TSNARE1: variants seen among roughly 807,000 people sequenced by gnomAD.
The protein encoded by TSNARE1 is t-SNARE domain-containing protein 1.
In TSNARE1, 49 loss-of-function variants were observed where a neutral mutation model predicts 62.0. That is an observed-to-expected ratio of 0.79 (90% CI 0.63 to 1.00). The LOEUF (loss-of-function observed/expected upper bound fraction) is 1.00. TSNARE1 is among the 50% of genes least tolerant of loss of function. The pLI is 0.00. For synonymous variants in TSNARE1, 328 were observed against 294.4 expected (o/e 1.11, Z -1.17); for missense variants, 755 against 700.1 (o/e 1.08, Z -0.88).
chr8:142,263,610 T>C lies in TSNARE1; in HGVS notation c.1446+11171A>G, dbSNP rs376476024. On this transcript the variant is annotated intron_variant, in intron 12 of 13. Coordinates refer to ENST00000524325, the MANE Select transcript of TSNARE1 (RefSeq NM_145003.5). Reference sequence around the variant, plus strand: ...CTTGAAAGTGGGGTAGAATACGCTTTAAAAATCATCTGGGTTTAGTGTCTT... The same window carrying C: ...CTTGAAAGTGGGGTAGAATACGCTTCAAAAATCATCTGGGTTTAGTGTCTT... 1.3e-4 allele frequency among the ~76,000 whole-genome samples: 20 copies of C among 152,370 alleles called. No homozygotes were observed. The East Asian group carries it at 1.5e-3, about 12-fold the overall frequency.
chr8:142,252,148 G>A (rs535777828), intron 12 of TSNARE1, among the ~76,000 whole-genome samples: 39 of 152,388 alleles, frequency 2.6e-4, no homozygotes, highest in African/African-American at 9.4e-4. Context: ...TCTGTCTGCA[G>A]GGCACGCACG....
Position 142,270,458 on chromosome 8 carries a change from T to C in TSNARE1, c.1446+4323A>G, listed in dbSNP as rs974088427. On this transcript the variant is annotated intron_variant, in intron 12 of 13. Transcript: ENST00000524325. ...GGTACAAAATGTCATCCCAGCCCCA[T>C]ACAGTACCAAGTAATATATAGGCAT... is the stretch of plus-strand genomic sequence containing the variant. The C allele has an allele frequency of 3.1e-5, 30 of 980,132 alleles. No individual in the cohort carries two copies. In the African/African-American group the frequency reaches 5.3e-4, roughly 17 times the overall value. The allele number at this position is 980,132 out of a possible 1,614,324, so 60.7% of individuals were successfully genotyped here. A position where few individuals can be genotyped will look rare whatever the true frequency, so the allele number is the denominator to read the frequency against.
chr8:142,281,446 C>T (rs1316908324), intron 11 of TSNARE1, among the ~76,000 whole-genome samples: 1 of 152,004 alleles, frequency 6.6e-6, no homozygotes, highest in Non-Finnish European at 1.5e-5. Context: ...TCAGCATCCC[C>T]TCAAAAGCCC....
In TSNARE1 at chr8:142,300,645, C is replaced by CA. The variant is rs1825570539; in HGVS notation, c.1132-2_1132-1insT. ...GCTCGGCAAACGGGGCCTGGGGACTCTGCTGATGACAGACAGATCTTGTTA... is the reference window on the plus strand; with the variant it reads ...GCTCGGCAAACGGGGCCTGGGGACTCATGCTGATGACAGACAGATCTTGTTA... On this transcript the variant is annotated splice_acceptor_variant, in intron 9 of 13. Transcript: ENST00000524325. LOFTEE classifies it high-confidence loss of function. The CA allele has an allele frequency of 6.2e-7, 1 of 1,611,960 alleles. No individual in the cohort carries two copies. Among genetic ancestry groups the CA allele is most frequent in the Non-Finnish European group, 8.5e-7 (1 of 1,179,034 alleles).
chr8:142,333,430 T>C (rs189367432), intron 4 of TSNARE1, among the ~76,000 whole-genome samples: 2 of 152,268 alleles, frequency 1.3e-5, no homozygotes. Context: ...TATTAAAATT[T>C]TTAAATAAAA....
intron 12 of TSNARE1, among the ~76,000 whole-genome samples, chr8:142,251,999 C>T (rs1228621926): frequency 7.0e-6 from 1 of 142,576 alleles, no homozygotes; most frequent in Non-Finnish European, 1.5e-5. Context: ...ACCCGCCACT[C>T]GCGTTCTCTA....
In TSNARE1 at chr8:142,275,669, C is replaced by A. The variant is rs1430974394; in HGVS notation, c.1364-806G>T. ...CAAGCCTTCTTCCCGGAGGGAGGTT[C>A]CTTGCAAGGCCTGCCTCCAATCAGG... On this transcript the variant is annotated intron_variant, in intron 11 of 13. Transcript: ENST00000524325. 3.0e-6 allele frequency: 3 copies of A among 985,360 alleles called. No homozygotes were observed. The African/African-American group carries it at 5.2e-5, about 17-fold the overall frequency. The allele number at this position is 985,360 out of a possible 1,614,324, so 61.0% of individuals were successfully genotyped here.
At chr8:142,363,365 C>T (rs1835303155) in intron 1 of TSNARE1, among the ~76,000 whole-genome samples, 1 of 152,062 alleles carries the variant, frequency 6.6e-6, no homozygotes. Flanking sequence ...GGAGACGTGG[C>T]CTTTTCAGTG....
rs1450218946 is a variant in TSNARE1, at chr8:142,246,493, CA to C, written c.1447-16915del. ...GGCATGCCCCCTCCTCCCCTGGACA[CA>C]ACCCCAGCTTCATTCATTCATTCAT... On this transcript the variant is annotated intron_variant, in intron 12 of 13. Coordinates refer to ENST00000524325, the MANE Select transcript of TSNARE1 (RefSeq NM_145003.5). Among the ~76,000 whole-genome samples the C allele has an allele frequency of 4.6e-5, 7 of 152,258 alleles. No individual in the cohort carries two copies. In the East Asian group the frequency reaches 1.4e-3, roughly 29 times the overall value.
intron 1 of TSNARE1, among the ~76,000 whole-genome samples, chr8:142,393,445 G>T (rs1412112140): frequency 2.6e-5 from 4 of 152,258 alleles, no homozygotes; most frequent in Non-Finnish European, 5.9e-5. Context: ...TCCGCTGGCT[G>T]TGCTACTGTC....
rs1433203617 is a variant in TSNARE1 at position 142,229,584 on chromosome 8, G to A, written c.1447-5C>T. On this transcript the variant is annotated splice_region_variant and splice_polypyrimidine_tract_variant and intron_variant, in intron 12 of 13. Coordinates refer to ENST00000524325, the MANE Select transcript of TSNARE1 (RefSeq NM_145003.5). ...CTTGATCTTGTGTCTCTGGAGCTGG[G>A]AGAGAGAGAGAGGTTGTTTCCATAT... The A allele has an allele frequency of 2.5e-6, 4 of 1,570,454 alleles. No homozygotes were observed. Among genetic ancestry groups the A allele is most frequent in the Non-Finnish European group, 3.5e-6 (4 of 1,147,338 alleles).
chr8:142,294,267 G>A (rs941091385), intron 10 of TSNARE1, among the ~76,000 whole-genome samples: 23 of 152,142 alleles, frequency 1.5e-4, no homozygotes, highest in African/African-American at 5.6e-4. Flanking sequence ...GAGTTTGCAG[G>A]GACGAGGCAG....
intron 6 of TSNARE1, among the ~76,000 whole-genome samples, chr8:142,324,864 C>T (rs909425362): frequency 3.3e-5 from 5 of 152,254 alleles, no homozygotes; most frequent in Admixed American, 1.3e-4. Flanking sequence ...CCCCTCTGTC[C>T]GTGTTCCTAG....
intron 12 of TSNARE1, among the ~76,000 whole-genome samples, chr8:142,265,971 C>G (rs1819118614): frequency 6.6e-6 from 1 of 152,226 alleles, no homozygotes; most frequent in Non-Finnish European, 1.5e-5. Flanking sequence ...CATCCTTCAT[C>G]AGACATGTGA....
chr8:142,299,292 G>T (rs1241286730), intron 10 of TSNARE1, among the ~76,000 whole-genome samples: 12 of 152,352 alleles, frequency 7.9e-5, no homozygotes, highest in African/African-American at 2.9e-4. Context: ...TGGAAGACCT[G>T]CTCCCTGGGA....
intron 12 of TSNARE1, among the ~76,000 whole-genome samples, chr8:142,235,284 C>T (rs1403974971): frequency 2.0e-5 from 3 of 152,276 alleles, no homozygotes; most frequent in Non-Finnish European, 4.4e-5. Context: ...TACCCACAGG[C>T]AGGGTCCGGC....
intron 12 of TSNARE1, among the ~76,000 whole-genome samples, chr8:142,230,880 C>T (rs1817078030): frequency 6.6e-6 from 1 of 151,872 alleles, no homozygotes; most frequent in Non-Finnish European, 1.5e-5. Context: ...ATCCATCCAT[C>T]CATGAGCCCA....
intron 12 of TSNARE1, among the ~76,000 whole-genome samples, chr8:142,241,707 G>T (rs2130190505): frequency 6.6e-6 from 1 of 152,324 alleles, no homozygotes; most frequent in East Asian, 1.9e-4. Flanking sequence ...CCATGCATTT[G>T]CAGTTAACTA....
At chr8:142,270,130 C>A in intron 12 of TSNARE1, 1 of 985,452 alleles carries the variant, frequency 1.0e-6, no homozygotes, top group Non-Finnish European at 1.2e-6. Context: ...TCCCACCTCC[C>A]GCTCCTGCTC....
Sources: allele counts gnomAD v4.1 joint callset (sites outside exome capture counted in the v4.1 genomes callset), GRCh38; gene constraint gnomAD v4.1.1; transcripts MANE v1.5; gene names NCBI Gene and HGNC (gene_info 2026-07-23, HGNC 2026-07-21).